USP47: variants seen among roughly 807,000 people sequenced by gnomAD.
USP47 encodes ubiquitin specific peptidase 47.
A neutral mutation model predicts 165.1 loss-of-function variants in USP47; 35 were observed. The ratio of observed to expected loss-of-function variants is 0.21; its 90% CI spans 0.16 to 0.28. The LOEUF (loss-of-function observed/expected upper bound fraction) is 0.28. Ranked by LOEUF, USP47 falls within the 10% of genes least tolerant of loss-of-function variation. The pLI, the probability that USP47 is intolerant of heterozygous loss-of-function variation, is 1.00. For synonymous variants in USP47, 531 were observed against 544.5 expected (o/e 0.98, Z 0.35); for missense variants, 1,277 against 1,607.4 (o/e 0.79, Z 3.52).
At chr11:11,933,784 TGAACTTTG>T (rs764662058) in intron 15 of USP47, 39 bp from the exon 16 acceptor site, 2 of 1,344,058 alleles carry the variant, frequency 1.5e-6, no homozygotes. Flanking sequence ...ACGGAAGAAT[TGAACTTTG>T]GAACTGCAGA....
intron 8 of USP47, among the ~76,000 whole-genome samples, chr11:11,918,945 C>T (rs1038217579): frequency 1.3e-5 from 2 of 151,566 alleles, no homozygotes; most frequent in Non-Finnish European, 3.0e-5. Flanking sequence ...TCCTTTTTCC[C>T]CCAAAAATAT....
chr11:11,905,824 CTTT>C (rs11290018), intron 8 of USP47, among the ~76,000 whole-genome samples: 2 of 147,738 alleles, frequency 1.4e-5, no homozygotes, highest in Non-Finnish European at 1.5e-5. Flanking sequence ...TCACTTTTAT[CTTT>C]TTTTTTTTTT....
chr11:11,943,332 A>G (rs1417552279), intron 20 of USP47: 2 of 366,736 alleles, frequency 5.5e-6, no homozygotes, highest in African/African-American at 4.1e-5. Context: ...GTAAAAAAAA[A>G]TAGTATTCAA....
At chr11:11,925,819 C>CA (rs201102408) in intron 11 of USP47, among the ~76,000 whole-genome samples, 1,901 of 152,076 alleles carry the variant, frequency 0.013, 36 homozygotes, top group African/African-American at 0.043. Context: ...GCTTTGTTCC[C>CA]AATCTTAGAG....
chr11:11,927,481 G>A (rs757646251), intron 11 of USP47, among the ~76,000 whole-genome samples: 2 of 152,182 alleles, frequency 1.3e-5, no homozygotes, highest in East Asian at 1.9e-4. Context: ...GAGTAGTTGC[G>A]ACAGAAACCG....
In USP47 at chr11:11,948,501, A is replaced by C. The variant is rs1166043940; in HGVS notation, c.3291A>C (p.Ala1097=). Residue 1097 remains alanine (A), a synonymous_variant, in exon 22 of 28, where the codon GCA becomes GCC. Transcript: ENST00000527733. ...DNKITIRLGR[A]LKKGEYRVKV... ...AGATTACAATTAGACTGGGGAGAGC[A>C]CTTAAAAAAGGAGAATACAGAGTTA... The C allele has an allele frequency of 1.9e-6, 3 of 1,613,128 alleles. No homozygotes were observed. Among genetic ancestry groups the C allele is most frequent in the Admixed American group, 3.3e-5 (2 of 59,972 alleles).
Position 11,952,796 on chromosome 11 carries a change from G to A in USP47, c.3639G>A (p.Lys1213=). 1 of 1,613,214 alleles carries A rather than the reference G, an allele frequency of 6.2e-7. No homozygotes were observed. Among genetic ancestry groups the A allele is most frequent in the Non-Finnish European group, 8.5e-7 (1 of 1,179,484 alleles). The change falls in exon 25 of 28, where the codon AAG becomes AAA. Residue 1213 remains lysine, a synonymous_variant. Transcript: ENST00000527733. ...TTGCAGTTTTGTCAAGACGGTGGAA[G>A]CCTTCAGAGATGAAGTTGGATCCCT... The part of the protein sequence containing the change: ...SQLAVLSRRW[K]PSEMKLDPFQ...
chr11:11,874,226 T>C (rs1850246114), intron 1 of USP47, among the ~76,000 whole-genome samples: 1 of 152,202 alleles, frequency 6.6e-6, no homozygotes. Flanking sequence ...ACTATTGATT[T>C]CCTCAGAGCC....
intron 20 of USP47, among the ~76,000 whole-genome samples, chr11:11,944,888 A>G (rs1855723120): frequency 6.6e-6 from 1 of 152,194 alleles, no homozygotes; most frequent in African/African-American, 2.4e-5. Flanking sequence ...ATTTGACTGG[A>G]TGATAGTCTC....
chr11:11,890,414 A>G lies in USP47; in HGVS notation c.358-1554A>G, dbSNP rs147937435. Among the ~76,000 whole-genome samples the G allele has an allele frequency of 4.9e-4, 74 of 152,358 alleles. 1 individual carries two copies. The highest frequency in any genetic ancestry group is 1.7e-3 in the African/African-American group (69 of 41,594). ...GGACAGACATTTCTCAAAAGAAGGT[A>G]TACATGCAGCCAACAAACATGAAAA... On this transcript the variant is annotated intron_variant, in intron 3 of 27. Transcript: ENST00000527733.
intron 4 of USP47, among the ~76,000 whole-genome samples, chr11:11,894,043 C>A (rs536515006): frequency 1.3e-5 from 2 of 152,196 alleles, no homozygotes; most frequent in Admixed American, 6.5e-5. Context: ...AAAAAAAATA[C>A]AAAATTATCT....
rs1847417940 is a variant in USP47 at position 11,960,762 on chromosome 11, A to C, written c.*4587A>C. ...GTGCAGGGGCCTAGCTGCATTTAGA[A>C]ACCAAGCATAGCTATCAAAAAGTAA... is the stretch of plus-strand genomic sequence containing the variant. On this transcript the variant is annotated 3_prime_UTR_variant, in exon 28 of 28. Transcript: ENST00000527733. 6.6e-6 allele frequency among the ~76,000 whole-genome samples: 1 copy of C among 152,184 alleles called. No individual in the cohort carries two copies. Among genetic ancestry groups the C allele is most frequent in the South Asian group, 2.1e-4 (1 of 4,832 alleles).
chr11:11,905,529 G>A lies in USP47; in HGVS notation c.950G>A (p.Ser317Asn). The A allele has an allele frequency of 1.2e-6, 2 of 1,607,046 alleles. No individual in the cohort carries two copies. The highest frequency in any genetic ancestry group is 1.7e-6 in the Non-Finnish European group (2 of 1,175,234). The change falls in exon 8 of 28, where the codon AGC (serine) becomes AAC (asparagine). Residue 317 changes from serine to asparagine, a missense_variant. Physicochemically the swap from Ser to Asn is conservative, Grantham distance 46 (BLOSUM62 1). Transcript: ENST00000527733. ...IPLVIRPYGS[S>N]QAFASVEEAL... ...TTGGTCATCCGACCTTATGGGTCCA[G>A]CCAAGCATTTGCTAGTGTGGTGTGT...
At chr11:11,918,317 C>T (rs1382243763) in intron 8 of USP47, among the ~76,000 whole-genome samples, 2 of 151,942 alleles carry the variant, frequency 1.3e-5, no homozygotes, top group Non-Finnish European at 2.9e-5. Flanking sequence ...TGGAATGCCT[C>T]GAGATTAAAG....
Position 11,930,148 on chromosome 11 carries a change from T to C in USP47, c.1595+28T>C, listed in dbSNP as rs763508939. 1.5e-5 allele frequency: 23 copies of C among 1,572,340 alleles called. No individual in the cohort carries two copies. The African/African-American group carries it at 2.6e-4, about 18-fold the overall frequency. ...AAGCAATTTCCTAATTTTCAGTGTT[T>C]AAAAGTTAGAATTAATTATAGCTTC... On this transcript the variant is annotated intron_variant, in intron 13 of 27. Coordinates refer to ENST00000527733, the MANE Select transcript of USP47 (RefSeq NM_001282659.2).
At position 11,948,010 on chromosome 11, in the gene USP47, G is replaced by T; in HGVS notation, c.3157G>T (p.Val1053Phe). The change falls in exon 21 of 28, where the codon GTT (valine) becomes TTT (phenylalanine). Residue 1053 changes from valine to phenylalanine, a missense_variant. Transcript: ENST00000527733. The part of the protein sequence containing the change: ...AAFKQHLEPF[V>F]GVLSSHFKVF... ...TTTCAAACAACATTTAGAGCCCTTT[G>T]TTGGAGTTTTGTCCTCTCACTTCAA... 1.9e-6 allele frequency: 3 copies of T among 1,613,734 alleles called. No homozygotes were observed. Among genetic ancestry groups the T allele is most frequent in the Non-Finnish European group, 2.5e-6 (3 of 1,179,850 alleles).
rs1848145193 is a variant in USP47, at chr11:11,842,008, G to A, written c.-178G>A. 3.2e-6 allele frequency: 2 copies of A among 616,392 alleles called. No homozygotes were observed. Among genetic ancestry groups the A allele is most frequent in the Non-Finnish European group, 5.2e-6 (2 of 387,070 alleles). The allele number at this position is 616,392 out of a possible 1,614,324, so 38.2% of individuals were successfully genotyped here. A position where few individuals can be genotyped will look rare whatever the true frequency, so the allele number is the denominator to read the frequency against. The stretch of plus-strand genomic sequence containing the variant: ...CTGTGGTAGCGGCGGCGGCGGCGGC[G>A]GAGCCCTGGGTCGGTGTCTGCGCGC... On this transcript the variant is annotated 5_prime_UTR_variant, in exon 1 of 28. Transcript: ENST00000527733.
chr11:11,948,780 G>A, intron 22 of USP47: 1 of 395,876 alleles, frequency 2.5e-6, no homozygotes, highest in South Asian at 6.4e-5. Flanking sequence ...AGATGGCTAT[G>A]TCTCAACATT....
chr11:11,879,349 GT>G (rs1424075011), intron 1 of USP47, among the ~76,000 whole-genome samples: 1 of 152,034 alleles, frequency 6.6e-6, no homozygotes, highest in Non-Finnish European at 1.5e-5. Flanking sequence ...GCAGATGATG[GT>G]GCCATTCATT....
Sources: gnomAD v4.1 joint callset for allele counts (sites outside exome capture counted in the v4.1 genomes callset) on GRCh38, gnomAD v4.1.1 for gene constraint, MANE v1.5 for transcripts, NCBI Gene and HGNC (gene_info 2026-07-23, HGNC 2026-07-21) for gene names.